Variants in COPB2 observed in about 807,000 individuals in gnomAD.
COPB2 encodes the protein coat protein complex I subunit beta 2.
Under a neutral mutation model 120.8 loss-of-function variants are expected in COPB2, and 16 were observed. That is an observed-to-expected ratio of 0.13 (90% CI 0.09 to 0.20). The LOEUF is 0.20. Ranked by LOEUF, COPB2 falls within the 10% of genes least tolerant of loss-of-function variation. The probability of loss-of-function intolerance (pLI) is 1.00; values close to 1 mark genes in which losing one functional copy is unlikely to be tolerated. For missense variants in COPB2, 794 were observed against 1,076.5 expected, an observed-to-expected ratio of 0.74 and a Z score of 3.67; for synonymous variants, 332 against 366.3, an observed-to-expected ratio of 0.91 and a Z score of 1.07.
intron 4 of COPB2, among the ~76,000 whole-genome samples, chr3:139,378,458 A>G (rs765443739): frequency 6.6e-5 from 10 of 152,370 alleles, no homozygotes; most frequent in Non-Finnish European, 1.0e-4. Flanking sequence ...TTCAGTGGGC[A>G]TTAAAGAATG....
chr3:139,377,693 T>C (rs140979981), intron 5 of COPB2, among the ~76,000 whole-genome samples: 30 of 152,236 alleles, frequency 2.0e-4, no homozygotes, highest in African/African-American at 6.5e-4. Context: ...GTAAAATAGA[T>C]AAACGATGAG....
At position 139,373,294 on chromosome 3, in the gene COPB2, C is replaced by T; in HGVS notation, c.1013G>A (p.Gly338Asp). The change falls in exon 9 of 22, where the codon GGT (glycine) becomes GAT (aspartate). Residue 338 changes from glycine to aspartate, a missense_variant. By Grantham distance (94) the Gly-to-Asp change is moderately conservative. Around this residue, in one of 3 missense-constraint regions of COPB2, gnomAD observed 610 missense variants for 866.7 expected, o/e 0.70. Coordinates refer to ENST00000333188, the MANE Select transcript of COPB2 (RefSeq NM_004766.3). Reference sequence around the variant, plus strand: ...CTTTACTGCCAGTGGCAATCTTTCACCATCTTTAATTTCAGCATCTCCCAT... The same window carrying T: ...CTTTACTGCCAGTGGCAATCTTTCATCATCTTTAATTTCAGCATCTCCCAT... ...KAMGDAEIKDGERLPLAVKDM... is the reference protein window; with the variant it reads ...KAMGDAEIKDDERLPLAVKDM... 1 of 1,614,156 alleles carries T rather than the reference C, an allele frequency of 6.2e-7. No homozygotes were observed. Among genetic ancestry groups the T allele is most frequent in the Non-Finnish European group, 8.5e-7 (1 of 1,180,038 alleles).
At position 139,369,436 on chromosome 3, in the gene COPB2, C is replaced by T; in HGVS notation, c.1294+20G>A. The T allele has an allele frequency of 6.2e-7, 1 of 1,605,688 alleles. No individual in the cohort carries two copies. The highest frequency in any genetic ancestry group is 8.5e-7 in the Non-Finnish European group (1 of 1,175,276). On this transcript the variant is annotated intron_variant, in intron 11 of 21. Transcript: ENST00000333188. ...CATTACAAAGAATTTAAAAATGTAT[C>T]ATATGTAGATCACACTCACTTTCTG... is the stretch of plus-strand genomic sequence containing the variant.
At chr3:139,358,461 G>T in intron 20 of COPB2, 190 bp from the exon 21 acceptor site, 1 of 612,948 alleles carries the variant, frequency 1.6e-6, no homozygotes, top group South Asian at 2.0e-5. Flanking sequence ...GGTGGATCAT[G>T]AGGTCAGGAG....
At chr3:139,358,068 G>A in intron 21 of COPB2, 110 bp from the exon 22 acceptor site, 1 of 1,027,046 alleles carries the variant, frequency 9.7e-7, no homozygotes, top group East Asian at 2.5e-5. Flanking sequence ...TAGTCAAAAA[G>A]AGCATCTTCC....
intron 1 of COPB2, among the ~76,000 whole-genome samples, chr3:139,387,991 T>A (rs2107812868): frequency 6.6e-6 from 1 of 152,266 alleles, no homozygotes; most frequent in East Asian, 1.9e-4. Flanking sequence ...TATTCTATGG[T>A]AAATGTACAA....
At chr3:139,364,367 G>A (rs913840983) in intron 15 of COPB2, among the ~76,000 whole-genome samples, 1 of 152,078 alleles carries the variant, frequency 6.6e-6, no homozygotes, top group Non-Finnish European at 1.5e-5. Context: ...TCTTTGGAGA[G>A]GACAAACTAA....
At chr3:139,360,999 C>G in intron 17 of COPB2, 82 bp downstream of exon 17, 5 of 1,468,442 alleles carry the variant, frequency 3.4e-6, no homozygotes, top group Non-Finnish European at 4.7e-6. Flanking sequence ...TTCATCAGTT[C>G]TCTCCAGGGT....
chr3:139,378,272 C>T lies in COPB2; in HGVS notation c.356-83G>A, dbSNP rs1287420897. The T allele has an allele frequency of 4.6e-6, 6 of 1,295,990 alleles. No homozygotes were observed. In the African/African-American group the frequency reaches 7.3e-5, roughly 16 times the overall value. 80.3% of individuals were successfully genotyped at this position (1,295,990 alleles called of 1,614,324 possible). Reference sequence around the variant, plus strand: ...AGACACAGTCTTTAGAAGAAGCAAACCTAACACAAACCATATAATCCATGA... The same window carrying T: ...AGACACAGTCTTTAGAAGAAGCAAATCTAACACAAACCATATAATCCATGA... On this transcript the variant is annotated intron_variant, in intron 4 of 21. Transcript: ENST00000333188.
chr3:139,362,605 G>C, intron 15 of COPB2, 88 bp from the exon 16 acceptor site: 1 of 601,318 alleles, frequency 1.7e-6, no homozygotes, highest in Middle Eastern at 5.1e-4. Context: ...CACATATACA[G>C]TGTACACACA....
At chr3:139,378,236 C>T (rs1192720960) in intron 4 of COPB2, 47 bp from the exon 5 acceptor site, 1 of 1,488,302 alleles carries the variant, frequency 6.7e-7, no homozygotes, top group East Asian at 2.3e-5. Flanking sequence ...TATTTTTTCA[C>T]TTCATAACTA....
chr3:139,380,003 CTTTT>C (rs869062825), intron 2 of COPB2: 81 of 101,362 alleles, frequency 8.0e-4, no homozygotes, highest in African/African-American at 3.1e-3. Context: ...TTTTTCTTTT[CTTTT>C]TTTTTTTTTT....
chr3:139,382,173 TG>T (rs1243361143), intron 2 of COPB2: 3 of 152,202 alleles, frequency 2.0e-5, no homozygotes, highest in Non-Finnish European at 4.4e-5. Flanking sequence ...CATGTCAAAT[TG>T]GAGGAGGACC....
chr3:139,365,553 G>C (rs1941499007), intron 15 of COPB2, among the ~76,000 whole-genome samples: 1 of 152,158 alleles, frequency 6.6e-6, no homozygotes. Flanking sequence ...CAGGAAAGGA[G>C]ATAGGGGTAT....
At chr3:139,373,556 T>C (rs1024122416) in intron 8 of COPB2, 110 bp downstream of exon 8, 11 of 1,533,742 alleles carry the variant, frequency 7.2e-6, no homozygotes, top group Non-Finnish European at 9.8e-6. Context: ...TAGTGCTTAA[T>C]GAAAGAAGTG....
chr3:139,360,240 C>T (rs542799894), intron 17 of COPB2, among the ~76,000 whole-genome samples: 68 of 150,234 alleles, frequency 4.5e-4, no homozygotes, highest in African/African-American at 1.6e-3. Flanking sequence ...AGAATACTTT[C>T]GGGCTGGGCG....
At chr3:139,374,790 A>C (rs1172706872) in intron 6 of COPB2, among the ~76,000 whole-genome samples, 2 of 152,182 alleles carry the variant, frequency 1.3e-5, no homozygotes, top group Non-Finnish European at 2.9e-5. Context: ...AATAAATGTA[A>C]ATGTAACTAT....
chr3:139,370,942 T>C (rs9869745), intron 10 of COPB2, among the ~76,000 whole-genome samples: 56,902 of 152,180 alleles, frequency 0.37, 13,678 homozygotes, highest in Non-Finnish European at 0.53. Flanking sequence ...CTTACTGTTG[T>C]AACATTTTAA....
At chr3:139,377,936 G>T in intron 5 of COPB2, 105 bp downstream of exon 5, 1 of 1,153,244 alleles carries the variant, frequency 8.7e-7, no homozygotes, top group Non-Finnish European at 1.1e-6. Flanking sequence ...GGCTTTTGAG[G>T]AAAATTTTTA....
Sources: allele counts gnomAD v4.1 joint callset (sites outside exome capture counted in the v4.1 genomes callset), GRCh38; gene constraint gnomAD v4.1.1; regional missense constraint gnomAD v4.1.1; transcripts MANE v1.5; gene names NCBI Gene and HGNC (gene_info 2026-07-23, HGNC 2026-07-21).